Variants in TMEM184B observed in about 807,000 individuals in gnomAD.
TMEM184B encodes transmembrane protein 184B, also known as putative MAPK-activating protein FM08.
In TMEM184B, 17 loss-of-function variants were observed where a neutral mutation model predicts 41.8. That is an observed-to-expected ratio of 0.41 (90% confidence interval 0.28 to 0.61). The LOEUF is 0.61. Among genes scored for constraint, TMEM184B ranks in the 20% least tolerant of loss-of-function variants. TMEM184B has a pLI of 0.34. For synonymous variants in TMEM184B, 240 were observed against 229.5 expected, an observed-to-expected ratio of 1.05 and a Z score of -0.41; for missense variants, 393 against 557.8, an observed-to-expected ratio of 0.70 and a Z score of 2.98.
chr22:38,249,589 C>G (rs2092118033), intron 1 of TMEM184B, among the ~76,000 whole-genome samples: 1 of 152,170 alleles, frequency 6.6e-6, no homozygotes, highest in African/African-American at 2.4e-5. Context: ...CCCCTTCTAC[C>G]ACATGAGGAC....
chr22:38,272,153 A>G (rs1427928121), intron 1 of TMEM184B, among the ~76,000 whole-genome samples: 1 of 152,154 alleles, frequency 6.6e-6, no homozygotes, highest in East Asian at 1.9e-4. Flanking sequence ...TCCAGAGGGG[A>G]TATGTATTGG....
chr22:38,250,048 AC>A (rs2092127959), intron 1 of TMEM184B, among the ~76,000 whole-genome samples: 1 of 152,108 alleles, frequency 6.6e-6, no homozygotes, highest in East Asian at 1.9e-4. Flanking sequence ...GCGAACACCA[AC>A]CCCGACCGTC....
intron 3 of TMEM184B, among the ~76,000 whole-genome samples, chr22:38,237,091 C>T (rs2091791375): frequency 6.6e-6 from 1 of 152,154 alleles, no homozygotes; most frequent in South Asian, 2.1e-4. Context: ...GACTGCTCCC[C>T]ACCCAGCCTC....
intron 3 of TMEM184B, among the ~76,000 whole-genome samples, chr22:38,237,475 C>T (rs2091804344): frequency 1.3e-5 from 2 of 152,270 alleles, no homozygotes; most frequent in African/African-American, 2.4e-5. Flanking sequence ...CCTGTGCACA[C>T]CTTCAGCGCC....
intron 2 of TMEM184B, chr22:38,246,838 C>T (rs764684062): frequency 3.6e-5 from 47 of 1,301,804 alleles, no homozygotes; most frequent in Non-Finnish European, 4.3e-5. Context: ...CCCTGGGTGT[C>T]TCGTCCCAGC....
chr22:38,225,030 C>T lies in TMEM184B; in HGVS notation c.788-51G>A, dbSNP rs915485941. On this transcript the variant is annotated intron_variant, in intron 7 of 8. Transcript: ENST00000361906. The surrounding 1 kb of genome is among the most constrained non-coding windows in gnomAD (Gnocchi z 4.4). ...GACCCAGAATGATTCCTTTCCTGCT[C>T]CCCCTTCTTCCACAATGCCCCATTC... is the stretch of plus-strand genomic sequence containing the variant. The T allele has an allele frequency of 4.1e-6, 6 of 1,481,126 alleles. No homozygotes were observed. The African/African-American group carries it at 8.4e-5, about 21-fold the overall frequency. The allele number at this position is 1,481,126 out of a possible 1,614,324, so 91.7% of individuals were successfully genotyped here.
intron 1 of TMEM184B, among the ~76,000 whole-genome samples, chr22:38,251,246 C>CATAACA (rs2092156752): frequency 6.6e-6 from 1 of 152,222 alleles, no homozygotes; most frequent in Non-Finnish European, 1.5e-5. Flanking sequence ...TACTCTTGGG[C>CATAACA]AACCCCGGTG....
rs61216492 is a variant in TMEM184B, at chr22:38,254,204, C to CAA, written c.-58-6187_-58-6186dup. Among the ~76,000 whole-genome samples the CAA allele has an allele frequency of 7.1e-3, 612 of 86,544 alleles. 13 individuals carry two copies. The highest frequency in any genetic ancestry group is 0.011 in the East Asian group (34 of 2,976). The allele number at this position is 86,544 out of a possible 152,430, so 56.8% of individuals were successfully genotyped here. A position where few individuals can be genotyped will look rare whatever the true frequency, so the allele number is the denominator to read the frequency against. On this transcript the variant is annotated intron_variant, in intron 1 of 8. Coordinates refer to ENST00000361906, the MANE Select transcript of TMEM184B (RefSeq NM_012264.5). Reference sequence around the variant, plus strand: ...GGGGACAGAGCAAGACTCTTGTCTCCAAAAAAAAAAAAAAAAAGCACCATG... The same window carrying CAA: ...GGGGACAGAGCAAGACTCTTGTCTCCAAAAAAAAAAAAAAAAAAAGCACCATG...
intron 2 of TMEM184B, among the ~76,000 whole-genome samples, chr22:38,247,174 C>A (rs986822786): frequency 1.8e-4 from 28 of 152,212 alleles, no homozygotes; most frequent in Admixed American, 3.9e-4. Flanking sequence ...GCTAGTTCCT[C>A]TCCCCCTCCC....
intron 8 of TMEM184B, 189 bp from the exon 9 acceptor site, chr22:38,221,899 C>G (rs2091271484): frequency 1.2e-6 from 1 of 818,736 alleles, no homozygotes; most frequent in African/African-American, 1.7e-5. Context: ...ACTTCTTTGG[C>G]TGGGGAGCCC....
rs2091244870 is a variant in TMEM184B, at chr22:38,221,095, G to C, written c.*374C>G. 9.2e-7 allele frequency: 1 copy of C among 1,082,152 alleles called. No individual in the cohort carries two copies. The highest frequency in any genetic ancestry group is 1.7e-5 in the African/African-American group (1 of 60,080). 67.0% of individuals were successfully genotyped at this position (1,082,152 alleles called of 1,614,324 possible). A position where few individuals can be genotyped will look rare whatever the true frequency, so the allele number is the denominator to read the frequency against. On this transcript the variant is annotated 3_prime_UTR_variant, in exon 9 of 9. Transcript: ENST00000361906. Reference sequence around the variant, plus strand: ...AGCCACGGCTTGCCGACCTCAGCCTGAGAGTCTCGCGGGGAGGAGGGGCTA... The same window carrying C: ...AGCCACGGCTTGCCGACCTCAGCCTCAGAGTCTCGCGGGGAGGAGGGGCTA...
chr22:38,220,829 C>T lies in TMEM184B; in HGVS notation c.*640G>A, dbSNP rs1297854426. The T allele has an allele frequency of 1.0e-6, 1 of 985,986 alleles. No homozygotes were observed. The highest frequency in any genetic ancestry group is 1.2e-6 in the Non-Finnish European group (1 of 830,144). The allele number at this position is 985,986 out of a possible 1,614,324, so 61.1% of individuals were successfully genotyped here. ...AGGGGCCCAGAAGCCCCTGCTTCAA[C>T]AGAAGCGGTGCCCAGGGGCCCTGAA... On this transcript the variant is annotated 3_prime_UTR_variant, in exon 9 of 9. Coordinates refer to ENST00000361906, the MANE Select transcript of TMEM184B (RefSeq NM_012264.5).
intron 1 of TMEM184B, among the ~76,000 whole-genome samples, chr22:38,270,836 G>A (rs946223300): frequency 1.3e-5 from 2 of 152,228 alleles, no homozygotes; most frequent in Non-Finnish European, 2.9e-5. Flanking sequence ...AAATAGCTCT[G>A]AGCCCTTCTC....
rs1319998845 is a variant in TMEM184B at position 38,221,295 on chromosome 22, C to T, written c.*174G>A. 1.6e-5 allele frequency: 23 copies of T among 1,432,640 alleles called. No individual in the cohort carries two copies. Among genetic ancestry groups the T allele is most frequent in the South Asian group, 3.0e-5 (2 of 66,688 alleles). The allele number at this position is 1,432,640 out of a possible 1,614,324, so 88.7% of individuals were successfully genotyped here. The stretch of plus-strand genomic sequence containing the variant: ...ATAAATATTCCTGAAGGCCCATGGG[C>T]GAGCCTGGCTGTCCCCCGTTCCTCT... On this transcript the variant is annotated 3_prime_UTR_variant, in exon 9 of 9. Coordinates refer to ENST00000361906, the MANE Select transcript of TMEM184B (RefSeq NM_012264.5).
intron 1 of TMEM184B, among the ~76,000 whole-genome samples, chr22:38,271,785 C>T (rs2092527788): frequency 6.6e-6 from 1 of 152,202 alleles, no homozygotes; most frequent in Non-Finnish European, 1.5e-5. Flanking sequence ...CAGGTCCCAA[C>T]TCTGATACGC....
intron 3 of TMEM184B, among the ~76,000 whole-genome samples, chr22:38,237,464 C>T (rs918245900): frequency 1.3e-5 from 2 of 152,258 alleles, no homozygotes; most frequent in African/African-American, 2.4e-5. Flanking sequence ...TAAGCTCACC[C>T]CCTGTGCACA....
chr22:38,270,160 G>A (rs957644198), intron 1 of TMEM184B, among the ~76,000 whole-genome samples: 3 of 152,150 alleles, frequency 2.0e-5, no homozygotes, highest in Non-Finnish European at 2.9e-5. Context: ...ACATCTGCCC[G>A]GAGTTCCCTC....
At position 38,231,159 on chromosome 22, in the gene TMEM184B, T is replaced by C. The variant is rs1249002288; in HGVS notation, c.449+85A>G. ...CAAGGTCACGGGCAGACATGGTCTG[T>C]GTCCAGCTGGTGCCAGGACGGCTCG... On this transcript the variant is annotated intron_variant, in intron 4 of 8. Transcript: ENST00000361906. 6.1e-6 allele frequency: 7 copies of C among 1,145,822 alleles called. No homozygotes were observed. In the East Asian group the frequency reaches 1.4e-4, roughly 23 times the overall value. The allele number at this position is 1,145,822 out of a possible 1,614,324, so 71.0% of individuals were successfully genotyped here.
chr22:38,255,691 G>T (rs1490795008), intron 1 of TMEM184B, among the ~76,000 whole-genome samples: 1 of 152,178 alleles, frequency 6.6e-6, no homozygotes, highest in East Asian at 1.9e-4. Flanking sequence ...ATAGTACCCA[G>T]CAAGAAAAAA....
Sources: gnomAD v4.1 joint callset for allele counts (sites outside exome capture counted in the v4.1 genomes callset) on GRCh38, gnomAD v4.1.1 for gene constraint, Gnocchi (gnomAD v3.1) non-coding constraint, MANE v1.5 for transcripts, NCBI Gene and HGNC (gene_info 2026-07-23, HGNC 2026-07-21) for gene names.